Variants in SRGAP2 observed in about 807,000 individuals in gnomAD.
SRGAP2 encodes SLIT-ROBO Rho GTPase activating protein 2, also known as SLIT-ROBO Rho GTPase-activating protein 2.
In SRGAP2, 15 loss-of-function variants were observed where a neutral mutation model predicts 57.2. The ratio of observed to expected loss-of-function variants is 0.26; its 90% CI spans 0.18 to 0.40. The LOEUF (loss-of-function observed/expected upper bound fraction) is 0.40, where lower values mean the gene tolerates loss of function less well. Ranked by LOEUF, SRGAP2 falls within the 10% of genes least tolerant of loss-of-function variation. The pLI, the probability that SRGAP2 is intolerant of heterozygous loss-of-function variation, is 1.00. For missense variants in SRGAP2, 520 were observed against 669.6 expected (o/e 0.78, Z 2.47); for synonymous variants, 249 against 248.0 (o/e 1.00, Z -0.04).
intron 10 of SRGAP2, among the ~76,000 whole-genome samples, chr1:206,415,447 A>T (rs1280926653): frequency 1.3e-5 from 2 of 152,188 alleles, no homozygotes; most frequent in African/African-American, 4.8e-5. Flanking sequence ...GCAGGGACTG[A>T]GCCTGCCATT....
At chr1:206,333,651 C>T (rs1365022803) in intron 3 of SRGAP2, among the ~76,000 whole-genome samples, 2 of 151,920 alleles carry the variant, frequency 1.3e-5, no homozygotes. Context: ...CTCAGCTTCC[C>T]GAGTAGCCAG....
At chr1:206,399,834 T>G (rs1186370262) in intron 7 of SRGAP2, among the ~76,000 whole-genome samples, 1 of 152,088 alleles carries the variant, frequency 6.6e-6, no homozygotes, top group Admixed American at 6.5e-5. Flanking sequence ...CCGTGCAGAG[T>G]CCTAATGAGC....
rs140511248 is a variant in SRGAP2, at chr1:206,454,492, G to A, written c.2361-386G>A. 4.0e-4 allele frequency: 175 copies of A among 439,618 alleles called. 1 individual carries two copies. In the East Asian group the frequency reaches 6.8e-3, roughly 17 times the overall value. 27.2% of individuals were successfully genotyped at this position (439,618 alleles called of 1,614,324 possible). A position where few individuals can be genotyped will look rare whatever the true frequency, so the allele number is the denominator to read the frequency against. On this transcript the variant is annotated intron_variant, in intron 20 of 22. Transcript: ENST00000573034. This position sits in a 1 kb window ranked among gnomAD's most constrained non-coding sequence, Gnocchi z 4.3. ...ACCACACAGTTGACTGTCCTTACCCGGCAGTGCTCAGGACCTCAGCCGATA... is the reference window on the plus strand; with the variant it reads ...ACCACACAGTTGACTGTCCTTACCCAGCAGTGCTCAGGACCTCAGCCGATA...
At chr1:206,386,997 G>A (rs1318284527) in intron 5 of SRGAP2, among the ~76,000 whole-genome samples, 1 of 149,834 alleles carries the variant, frequency 6.7e-6, no homozygotes, top group African/African-American at 2.5e-5. Flanking sequence ...ATGGTGGTGG[G>A]CGCCTATAGT....
At chr1:206,460,506 G>A (rs1472346530) in intron 22 of SRGAP2, among the ~76,000 whole-genome samples, 1 of 152,058 alleles carries the variant, frequency 6.6e-6, no homozygotes, top group African/African-American at 2.4e-5. Flanking sequence ...GGCGTATTGG[G>A]CTCCTGAAAC....
chr1:206,253,099 T>C (rs1553311393), intron 2 of SRGAP2, among the ~76,000 whole-genome samples: 2 of 142,902 alleles, frequency 1.4e-5, no homozygotes, highest in Admixed American at 6.9e-5. Flanking sequence ...ACGGAGGGGC[T>C]GTTCTGGGGC....
intron 1 of SRGAP2, chr1:206,205,201 G>C (rs1173231914): frequency 6.6e-6 from 1 of 151,966 alleles, no homozygotes. Context: ...GTCCCCGCCC[G>C]GAGCCCGCGC....
chr1:206,401,312 C>T, intron 7 of SRGAP2, 109 bp from the exon 8 acceptor site: 1 of 715,458 alleles, frequency 1.4e-6, no homozygotes, highest in African/African-American at 1.7e-5. Context: ...CTTTCTACTG[C>T]ACAGCCAAGC....
chr1:206,436,856 C>T (rs1310059172), intron 14 of SRGAP2, 109 bp from the exon 15 acceptor site: 13 of 738,648 alleles, frequency 1.8e-5, no homozygotes, highest in Non-Finnish European at 2.5e-5. Flanking sequence ...AGAGAGACAG[C>T]GTGCTTAAAT....
At position 206,221,162 on chromosome 1, in the gene SRGAP2, G is replaced by A. The variant is rs533563043; in HGVS notation, c.67+15125G>A. On this transcript the variant is annotated intron_variant, in intron 2 of 22. Transcript: ENST00000573034. ...TCACCATGTTGTTCAGGCTGGTCTC[G>A]AACTCCTGACCTCATGATCCGCCTG... Among the ~76,000 whole-genome samples, 969 of 148,358 alleles carry A rather than the reference G, an allele frequency of 6.5e-3. 20 individuals carry two copies. Among genetic ancestry groups the A allele is most frequent in the African/African-American group, 0.023 (904 of 38,492 alleles).
chr1:206,359,073 A>T (rs1434081527), intron 4 of SRGAP2, among the ~76,000 whole-genome samples: 1 of 152,194 alleles, frequency 6.6e-6, no homozygotes, highest in African/African-American at 2.4e-5. Flanking sequence ...TGCTGCCAGG[A>T]TTCTCAATTA....
intron 2 of SRGAP2, among the ~76,000 whole-genome samples, chr1:206,243,181 ATT>A (rs1184517092): frequency 1.5e-5 from 2 of 134,102 alleles, no homozygotes; most frequent in Non-Finnish European, 3.1e-5. Context: ...CTAGGTTACT[ATT>A]TCCGAGTGTG....
chr1:206,289,515 G>T (rs1473463157), intron 2 of SRGAP2, among the ~76,000 whole-genome samples: 5 of 151,640 alleles, frequency 3.3e-5, no homozygotes. Flanking sequence ...CTGACCTCGT[G>T]GTCCGCCTGC....
chr1:206,421,023 C>T (rs1418432051), intron 12 of SRGAP2, among the ~76,000 whole-genome samples: 1 of 152,122 alleles, frequency 6.6e-6, no homozygotes, highest in Admixed American at 6.5e-5. Context: ...AAAAAAAGAG[C>T]TTTCGTAGGC....
In SRGAP2 at chr1:206,454,818, C is replaced by T. The variant is rs1663680367; in HGVS notation, c.2361-60C>T. 1.4e-6 allele frequency: 1 copy of T among 705,596 alleles called. No individual in the cohort carries two copies. Among genetic ancestry groups the T allele is most frequent in the Non-Finnish European group, 2.6e-6 (1 of 383,512 alleles). 43.7% of individuals were successfully genotyped at this position (705,596 alleles called of 1,614,324 possible). A position where few individuals can be genotyped will look rare whatever the true frequency, so the allele number is the denominator to read the frequency against. On this transcript the variant is annotated intron_variant, in intron 20 of 22. Coordinates refer to ENST00000573034, the MANE Select transcript of SRGAP2 (RefSeq NM_015326.5). This position sits in a 1 kb window ranked among gnomAD's most constrained non-coding sequence, Gnocchi z 4.3. ...GGGGGGCCATCTTGCCGATTTAACG[C>T]TGCTTTTTGTGTTGTTGTTGTTTTC...
chr1:206,440,326 T>TA (rs1363975837), intron 17 of SRGAP2, among the ~76,000 whole-genome samples: 1 of 151,988 alleles, frequency 6.6e-6, no homozygotes, highest in Non-Finnish European at 1.5e-5. Context: ...AATAAGTGCT[T>TA]AGAAGAAAAA....
At chr1:206,370,457 A>G (rs1195414577) in intron 4 of SRGAP2, among the ~76,000 whole-genome samples, 1 of 152,220 alleles carries the variant, frequency 6.6e-6, no homozygotes, top group African/African-American at 2.4e-5. Flanking sequence ...TACAATATGG[A>G]TATACCCTGA....
intron 11 of SRGAP2, among the ~76,000 whole-genome samples, chr1:206,416,747 G>A (rs1354899782): frequency 2.6e-5 from 4 of 152,088 alleles, no homozygotes; most frequent in Non-Finnish European, 5.9e-5. Context: ...CCCAGGTTGG[G>A]GATGCCTCTG....
intron 3 of SRGAP2, among the ~76,000 whole-genome samples, chr1:206,319,380 C>T (rs1483190096): frequency 3.2e-4 from 48 of 151,716 alleles, no homozygotes; most frequent in African/African-American, 7.5e-4. Flanking sequence ...CACTGCACTC[C>T]AGCCTGGGTG....
Sources: gnomAD v4.1 joint callset for allele counts (sites outside exome capture counted in the v4.1 genomes callset) on GRCh38, gnomAD v4.1.1 for gene constraint, Gnocchi (gnomAD v3.1) non-coding constraint, MANE v1.5 for transcripts, NCBI Gene and HGNC (gene_info 2026-07-23, HGNC 2026-07-21) for gene names.